Variants in CSRNP3 observed in about 807,000 individuals in gnomAD.
CSRNP3 encodes the protein cysteine/serine-rich nuclear protein 3.
Under a neutral mutation model 48.0 loss-of-function variants are expected in CSRNP3, and 12 were observed. The observed-to-expected ratio is 0.25, with a 90% CI of 0.16 to 0.41. The LOEUF (loss-of-function observed/expected upper bound fraction) is 0.41. Ranked by LOEUF, CSRNP3 falls within the 10% of genes least tolerant of loss-of-function variation. The pLI is 1.00. For missense variants in CSRNP3, 580 were observed against 724.4 expected, an observed-to-expected ratio of 0.80 and a Z score of 2.29; for synonymous variants, 263 against 269.7, an observed-to-expected ratio of 0.98 and a Z score of 0.24.
chr2:165,571,479 CTACACACACA>C (rs1266969885), intron 3 of CSRNP3, among the ~76,000 whole-genome samples: 4 of 151,790 alleles, frequency 2.6e-5, no homozygotes, highest in East Asian at 1.9e-4. Flanking sequence ...GGCAATCTGA[CTACACACACA>C]TACACACACA....
At chr2:165,525,531 G>T (rs1684721062) in intron 3 of CSRNP3, among the ~76,000 whole-genome samples, 1 of 145,646 alleles carries the variant, frequency 6.9e-6, no homozygotes, top group Non-Finnish European at 1.5e-5. Context: ...CTGTCGTCCA[G>T]GCTGGAGTGC....
At chr2:165,533,709 A>G (rs1444963155) in intron 3 of CSRNP3, among the ~76,000 whole-genome samples, 1 of 151,912 alleles carries the variant, frequency 6.6e-6, no homozygotes, top group Admixed American at 6.6e-5. Context: ...CTTTTTTTCT[A>G]TTCAAGGATG....
intron 1 of CSRNP3, among the ~76,000 whole-genome samples, chr2:165,480,680 A>G (rs922958933): frequency 6.6e-6 from 1 of 151,378 alleles, no homozygotes; most frequent in African/African-American, 2.4e-5. Context: ...GGCAATGTGC[A>G]TGGAAGACTC....
intron 4 of CSRNP3, among the ~76,000 whole-genome samples, chr2:165,632,386 G>A (rs1686553200): frequency 1.3e-5 from 2 of 152,108 alleles, no homozygotes; most frequent in Admixed American, 1.3e-4. Flanking sequence ...GCATGTGTCT[G>A]TGGTCCCATC....
chr2:165,474,506 A>T (rs1174473892), intron 1 of CSRNP3, among the ~76,000 whole-genome samples: 2 of 152,140 alleles, frequency 1.3e-5, no homozygotes, highest in Non-Finnish European at 2.9e-5. Flanking sequence ...TTCATATTTT[A>T]GTCTTTTATT....
chr2:165,544,748 G>T (rs2105255284), intron 3 of CSRNP3, among the ~76,000 whole-genome samples: 1 of 152,276 alleles, frequency 6.6e-6, no homozygotes, highest in East Asian at 1.9e-4. Flanking sequence ...TATCAAGGAA[G>T]TAGTTGTCCT....
intron 4 of CSRNP3, among the ~76,000 whole-genome samples, chr2:165,601,721 G>A (rs1685918853): frequency 6.6e-6 from 1 of 150,986 alleles, no homozygotes; most frequent in Non-Finnish European, 1.5e-5. Context: ...AATACACAAG[G>A]CATAAATATG....
intron 3 of CSRNP3, among the ~76,000 whole-genome samples, chr2:165,585,649 T>G (rs752260574): frequency 1.3e-5 from 2 of 152,250 alleles, no homozygotes; most frequent in Non-Finnish European, 2.9e-5. Context: ...CTTGGTGTTT[T>G]GTGCTTGCTG....
intron 3 of CSRNP3, among the ~76,000 whole-genome samples, chr2:165,559,706 A>G (rs1229032579): frequency 2.0e-5 from 3 of 151,912 alleles, no homozygotes; most frequent in Non-Finnish European, 4.4e-5. Context: ...ATAAAAACAA[A>G]TATTAAATGT....
chr2:165,476,696 A>G (rs34199227), intron 1 of CSRNP3, among the ~76,000 whole-genome samples: 55,130 of 152,164 alleles, frequency 0.36, 10,036 homozygotes, highest in African/African-American at 0.42. Context: ...GCAATCAAAC[A>G]GGCATAGCCT....
rs60927595 is a variant in CSRNP3, at chr2:165,515,338, C to CATATATATATAT, written c.-112-2528_-112-2517dup. On this transcript the variant is annotated intron_variant, in intron 2 of 6. Coordinates refer to ENST00000651982, the MANE Select transcript of CSRNP3 (RefSeq NM_001172173.2). ...CTCCATCTCAAAAAAAAAAAAAATA[C>CATATATATATAT]ATATATATATATATATATCTGTAAA... Among the ~76,000 whole-genome samples, 348 of 142,448 alleles carry CATATATATATAT rather than the reference C, an allele frequency of 2.4e-3. 2 individuals are homozygous for CATATATATATAT. Among genetic ancestry groups the CATATATATATAT allele is most frequent in the South Asian group, 2.7e-3 (12 of 4,528 alleles). The allele number at this position is 142,448 out of a possible 152,430, so 93.5% of individuals were successfully genotyped here.
At chr2:165,480,892 T>TA (rs1287554975) in intron 1 of CSRNP3, among the ~76,000 whole-genome samples, 7 of 149,464 alleles carry the variant, frequency 4.7e-5, no homozygotes, top group Non-Finnish European at 1.0e-4. Context: ...CTCATACCTG[T>TA]AATCTCTGCA....
At chr2:165,510,833 T>G (rs1037542023) in intron 2 of CSRNP3, among the ~76,000 whole-genome samples, 1 of 152,148 alleles carries the variant, frequency 6.6e-6, no homozygotes, top group Admixed American at 6.5e-5. Context: ...AGGTTCAGGT[T>G]AGAGATCTAA....
intron 4 of CSRNP3, among the ~76,000 whole-genome samples, chr2:165,628,878 C>T (rs1686485233): frequency 6.6e-6 from 1 of 152,104 alleles, no homozygotes; most frequent in African/African-American, 2.4e-5. Context: ...CCAGCCTGGG[C>T]AACATAGTGA....
chr2:165,592,801 CATTT>C (rs1685740502), intron 3 of CSRNP3, among the ~76,000 whole-genome samples: 1 of 133,442 alleles, frequency 7.5e-6, no homozygotes. Flanking sequence ...AACCTCTTTT[CATTT>C]TTTTTTTTTT....
At chr2:165,488,754 C>G (rs1684158248) in intron 1 of CSRNP3, among the ~76,000 whole-genome samples, 1 of 120,048 alleles carries the variant, frequency 8.3e-6, no homozygotes, top group Non-Finnish European at 1.7e-5. Flanking sequence ...CCAATGAGAA[C>G]AAAGACACAA....
chr2:165,679,344 T>C lies in CSRNP3; in HGVS notation c.1349T>C (p.Ile450Thr), dbSNP rs1368247554. ...DSHIPGTPNQ[I>T]SENYSERDTV... ...CACATTCCAGGAACTCCAAATCAGA[T>C]CTCTGAGAACTATTCTGAAAGAGAC... Residue 450 changes from isoleucine (I) to threonine (T), a missense_variant, in exon 7 of 7, where the codon ATC (isoleucine) becomes ACC (threonine). By Grantham distance (89) the Ile-to-Thr change is moderately conservative. Coordinates refer to ENST00000651982, the MANE Select transcript of CSRNP3 (RefSeq NM_001172173.2). 2 of 1,613,502 alleles carry C rather than the reference T, an allele frequency of 1.2e-6. No individual in the cohort carries two copies. Among genetic ancestry groups the C allele is most frequent in the Non-Finnish European group, 1.7e-6 (2 of 1,179,898 alleles).
At chr2:165,647,187 A>G (rs74457908) in intron 4 of CSRNP3, among the ~76,000 whole-genome samples, 3,944 of 152,314 alleles carry the variant, frequency 0.026, 158 homozygotes, top group African/African-American at 0.088. Flanking sequence ...GTAGATAAAC[A>G]TAATTCTGAA....
intron 2 of CSRNP3, among the ~76,000 whole-genome samples, chr2:165,502,091 A>T (rs1020986982): frequency 1.3e-5 from 2 of 152,124 alleles, no homozygotes; most frequent in African/African-American, 4.8e-5. Flanking sequence ...TTTTTACGGT[A>T]TTTTTTCTTA....
Sources: gnomAD v4.1 joint callset for allele counts (sites outside exome capture counted in the v4.1 genomes callset) on GRCh38, gnomAD v4.1.1 for gene constraint, MANE v1.5 for transcripts, NCBI Gene and HGNC (gene_info 2026-07-23, HGNC 2026-07-21) for gene names.